Variants in BRWD3 observed in about 807,000 individuals in gnomAD.
The protein encoded by BRWD3 is bromodomain and WD repeat domain containing 3, also known as bromodomain and WD repeat-containing protein 3.
Under a neutral mutation model 149.7 loss-of-function variants are expected in BRWD3, and 10 were observed. The ratio of observed to expected loss-of-function variants is 0.07; its 90% CI spans 0.04 to 0.11. The LOEUF is 0.11. Ranked by LOEUF, BRWD3 falls within the 10% of genes least tolerant of loss-of-function variation. The pLI is 1.00. For missense variants in BRWD3, 940 were observed against 1,373.2 expected, an observed-to-expected ratio of 0.68 and a Z score of 4.99; for synonymous variants, 504 against 456.7, an observed-to-expected ratio of 1.10 and a Z score of -1.32.
chrX:80,684,324 T>C (rs1203003449), intron 36 of BRWD3, among the ~76,000 whole-genome samples, 162 bp from the exon 37 acceptor site: 2 of 111,625 alleles, frequency 1.8e-5, no homozygotes, highest in East Asian at 5.7e-4. Context: ...TGGTGGCTCA[T>C]AAAAACAGCA....
At chrX:80,694,675 C>T (rs2089956) in intron 27 of BRWD3, among the ~76,000 whole-genome samples, 9 of 111,201 alleles carry the variant, frequency 8.1e-5, no homozygotes, top group Non-Finnish European at 1.3e-4. Context: ...TTGACTGCCC[C>T]GCTGGATTTT....
chrX:80,677,540 C>CT (rs2072380858), intron 40 of BRWD3, among the ~76,000 whole-genome samples, 177 bp from the exon 41 acceptor site: 1 of 111,289 alleles, frequency 9.0e-6, no homozygotes, highest in African/African-American at 3.3e-5. Flanking sequence ...TTTTTGTCTG[C>CT]TTTTTTGGGA....
At chrX:80,713,626 C>A (rs1016441241) in intron 20 of BRWD3, among the ~76,000 whole-genome samples, 1 of 109,912 alleles carries the variant, frequency 9.1e-6, no homozygotes, top group African/African-American at 3.3e-5. Flanking sequence ...GACCTTCCCT[C>A]CACTATTGTC....
intron 20 of BRWD3, chrX:80,710,389 A>C: frequency 3.0e-6 from 1 of 338,473 alleles, no homozygotes; most frequent in Non-Finnish European, 5.6e-6. Context: ...CTACAGAGCT[A>C]CGTCCACTGG....
rs1555990944 is a variant in BRWD3, at chrX:80,809,822, C to CGGAG, written c.-355_-352dup. 4.8e-5 allele frequency: 1 copy of CGGAG among 21,022 alleles called. No homozygotes were observed. The highest frequency in any genetic ancestry group is 8.0e-5 in the Non-Finnish European group (1 of 12,511). 1.7% of individuals were successfully genotyped at this position (21,022 alleles called of 1,213,427 possible). ...GAGAGAGACGCGGGGGGTGGGGGGG[C>CGGAG]GGAGAGAGAGAGAGAGAGAGAGATA... On this transcript the variant is annotated 5_prime_UTR_variant, in exon 1 of 41. Transcript: ENST00000373275.
chrX:80,788,085 A>AAAATAAAT (rs554615479), intron 6 of BRWD3, among the ~76,000 whole-genome samples: 45 of 88,255 alleles, frequency 5.1e-4, no homozygotes, highest in African/African-American at 9.6e-4. Flanking sequence ...CTCTGTCTCA[A>AAAATAAAT]AAATAAATAA....
intron 6 of BRWD3, among the ~76,000 whole-genome samples, chrX:80,772,410 T>A (rs1035994143): frequency 1.8e-5 from 2 of 110,847 alleles, no homozygotes; most frequent in African/African-American, 3.3e-5. Flanking sequence ...TAGGTGGGAA[T>A]TGAACAATGA....
At chrX:80,791,811 A>G (rs1205665016) in intron 6 of BRWD3, 43 bp downstream of exon 6, 1 of 1,005,502 alleles carries the variant, frequency 9.9e-7, no homozygotes, top group African/African-American at 1.9e-5. Flanking sequence ...TCAGGAAGGA[A>G]AGAATCAACA....
intron 6 of BRWD3, among the ~76,000 whole-genome samples, chrX:80,751,725 C>T (rs2073669653): frequency 9.1e-6 from 1 of 110,397 alleles, no homozygotes; most frequent in East Asian, 2.9e-4. Context: ...CCCACAGCCT[C>T]ACCCTTCTGA....
At chrX:80,719,858 A>C (rs2073119756) in intron 17 of BRWD3, among the ~76,000 whole-genome samples, 1 of 112,121 alleles carries the variant, frequency 8.9e-6, no homozygotes, top group Admixed American at 9.5e-5. Flanking sequence ...CCCAAATTAG[A>C]CATTATTATG....
In BRWD3 at chrX:80,735,897, A is replaced by G. The variant is rs2073397093; in HGVS notation, c.914+91T>C. ...CACAAATACACATACACATATGTAA[A>G]TATATATATTTAAATACATGGACTA... On this transcript the variant is annotated intron_variant, in intron 9 of 40. Coordinates refer to ENST00000373275, the MANE Select transcript of BRWD3 (RefSeq NM_153252.5). 3 of 556,199 alleles carry G rather than the reference A, an allele frequency of 5.4e-6. No individual in the cohort carries two copies. In the Admixed American group the frequency reaches 9.1e-5, roughly 17 times the overall value. The allele number at this position is 556,199 out of a possible 1,213,427, so 45.8% of individuals were successfully genotyped here.
In BRWD3 at chrX:80,744,080, T is replaced by G. The variant is rs1301122205; in HGVS notation, c.765A>C (p.Ala255=). 8.3e-7 allele frequency: 1 copy of G among 1,211,484 alleles called. No homozygotes were observed. The highest frequency in any genetic ancestry group is 2.2e-5 in the Admixed American group (1 of 45,949). The change falls in exon 8 of 41, where the codon GCA becomes GCC. Residue 255 remains alanine, a synonymous_variant. Coordinates refer to ENST00000373275, the MANE Select transcript of BRWD3 (RefSeq NM_153252.5). ...AATGGCCCTGAAGGACTGCAACGGGTGCACAAGTTCGAAGACACCATACTC... is the reference window on the plus strand; with the variant it reads ...AATGGCCCTGAAGGACTGCAACGGGGGCACAAGTTCGAAGACACCATACTC... ...VVRVWCLRTC[A]PVAVLQGHSA...
chrX:80,707,933 G>A (rs1488737302), intron 21 of BRWD3, among the ~76,000 whole-genome samples: 1 of 111,550 alleles, frequency 9.0e-6, no homozygotes, highest in African/African-American at 3.3e-5. Context: ...CTCCAGTTTA[G>A]GTAATAACTC....
intron 13 of BRWD3, 63 bp from the exon 14 acceptor site, chrX:80,728,968 A>T: frequency 9.8e-7 from 1 of 1,022,730 alleles, no homozygotes; most frequent in Non-Finnish European, 1.4e-6. Context: ...CATGTTAAAT[A>T]GCAAATTATG....
chrX:80,696,714 C>A (rs777283062), intron 26 of BRWD3, 25 bp downstream of exon 26: 49 of 1,204,423 alleles, frequency 4.1e-5, no homozygotes, highest in Non-Finnish European at 5.4e-5. Context: ...CACACTCAAA[C>A]AGAGACTCAG....
At chrX:80,800,574 C>CAAAA (rs397975584) in intron 4 of BRWD3, among the ~76,000 whole-genome samples, 1 of 86,442 alleles carries the variant, frequency 1.2e-5, no homozygotes. Flanking sequence ...AATACTTGTA[C>CAAAA]AAAAAAAAAA....
chrX:80,736,770 T>G, intron 8 of BRWD3, among the ~76,000 whole-genome samples: 1 of 111,242 alleles, frequency 9.0e-6, no homozygotes, highest in Non-Finnish European at 1.9e-5. Flanking sequence ...TGTGGGCTTC[T>G]CAGGCTCTTA....
chrX:80,792,353 G>C (rs1176970872), intron 5 of BRWD3, among the ~76,000 whole-genome samples: 1 of 112,020 alleles, frequency 8.9e-6, no homozygotes, highest in Non-Finnish European at 1.9e-5. Context: ...GGAAAATTCA[G>C]GCATATTTAT....
At chrX:80,713,087 C>T (rs1163168677) in intron 20 of BRWD3, among the ~76,000 whole-genome samples, 1 of 107,812 alleles carries the variant, frequency 9.3e-6, no homozygotes, top group Non-Finnish European at 1.9e-5. Context: ...GCCCCCTGCC[C>T]GGCCAGCCGC....
Sources: gnomAD v4.1 joint callset for allele counts (sites outside exome capture counted in the v4.1 genomes callset) on GRCh38, gnomAD v4.1.1 for gene constraint, MANE v1.5 for transcripts, NCBI Gene and HGNC (gene_info 2026-07-23, HGNC 2026-07-21) for gene names.